Variants in SLCO3A1 observed in about 807,000 individuals in gnomAD.
SLCO3A1 encodes the protein PGE1 transporter.
A neutral mutation model predicts 63.1 loss-of-function variants in SLCO3A1; 27 were observed. That is an observed-to-expected ratio of 0.43 (90% CI 0.32 to 0.59). The LOEUF is 0.59. SLCO3A1 is among the 20% of genes least tolerant of loss of function. The pLI is 0.09. For synonymous variants in SLCO3A1, 473 were observed against 409.9 expected (o/e 1.15, Z -1.86); for missense variants, 773 against 945.8 (o/e 0.82, Z 2.40).
chr15:92,142,116 G>C (rs778709159), intron 7 of SLCO3A1, among the ~76,000 whole-genome samples: 2 of 152,156 alleles, frequency 1.3e-5, no homozygotes, highest in African/African-American at 4.8e-5. Context: ...GAACCTTTAG[G>C]AGAGATCCAT....
chr15:92,055,839 C>G (rs1447003708), intron 2 of SLCO3A1, among the ~76,000 whole-genome samples: 1 of 152,190 alleles, frequency 6.6e-6, no homozygotes, highest in Non-Finnish European at 1.5e-5. Context: ...TTTATTCAAT[C>G]TAATGACCTT....
chr15:91,956,868 C>T (rs1900199238), intron 2 of SLCO3A1, among the ~76,000 whole-genome samples: 4 of 128,130 alleles, frequency 3.1e-5, no homozygotes, highest in Admixed American at 9.4e-5. Flanking sequence ...CAGCTCACTG[C>T]AGCCTCCACC....
At chr15:92,114,536 T>G (rs2047768882) in intron 4 of SLCO3A1, among the ~76,000 whole-genome samples, 3 of 152,180 alleles carry the variant, frequency 2.0e-5, no homozygotes, top group Admixed American at 2.0e-4. Flanking sequence ...TTGATGCTAT[T>G]CCGTGACACC....
chr15:91,853,798 C>G lies in SLCO3A1; in HGVS notation c.-111C>G, dbSNP rs1333275783. 5.9e-6 allele frequency: 6 copies of G among 1,025,244 alleles called. No homozygotes were observed. Among genetic ancestry groups the G allele is most frequent in the African/African-American group, 3.5e-5 (2 of 56,544 alleles). 63.5% of individuals were successfully genotyped at this position (1,025,244 alleles called of 1,614,324 possible). ...GGGGGCGGCCGCCGCGAACCCGGGG[C>G]GGGGACAGCACGCAGCCTCGAGGCG... is the stretch of plus-strand genomic sequence containing the variant. On this transcript the variant is annotated 5_prime_UTR_variant, in exon 1 of 10. Transcript: ENST00000318445.
intron 3 of SLCO3A1, among the ~76,000 whole-genome samples, chr15:92,103,119 T>C (rs953627927): frequency 4.6e-5 from 7 of 152,172 alleles, no homozygotes; most frequent in Admixed American, 1.3e-4. Flanking sequence ...ATTTTATGAG[T>C]GCTGAAGTGT....
At chr15:91,898,660 G>A (rs1249925001) in intron 1 of SLCO3A1, among the ~76,000 whole-genome samples, 1 of 152,056 alleles carries the variant, frequency 6.6e-6, no homozygotes, top group Non-Finnish European at 1.5e-5. Flanking sequence ...TGAGACTCCA[G>A]AGCATGCATT....
intron 2 of SLCO3A1, among the ~76,000 whole-genome samples, chr15:91,974,265 G>GTTATTATTATTATTATTATTA (rs56317875): frequency 5.2e-4 from 75 of 142,956 alleles, no homozygotes; most frequent in African/African-American, 8.7e-4. Flanking sequence ...TTTCATTATT[G>GTTATTATTATTATTATTATTA]TTATTATTAT....
intron 1 of SLCO3A1, among the ~76,000 whole-genome samples, chr15:91,866,160 C>T (rs1267802617): frequency 1.3e-5 from 2 of 152,126 alleles, no homozygotes; most frequent in Non-Finnish European, 2.9e-5. Flanking sequence ...CTTCCTGGGC[C>T]TAGCCGAATG....
chr15:91,876,930 T>A (rs1375765941), intron 1 of SLCO3A1, among the ~76,000 whole-genome samples: 1 of 152,248 alleles, frequency 6.6e-6, no homozygotes, highest in South Asian at 2.1e-4. Flanking sequence ...TTACAGATAT[T>A]TGACTTTTGC....
intron 7 of SLCO3A1, among the ~76,000 whole-genome samples, chr15:92,139,953 G>C (rs1459633564): frequency 6.8e-6 from 1 of 147,276 alleles, no homozygotes; most frequent in Non-Finnish European, 1.5e-5. Flanking sequence ...ATTTTTTGAA[G>C]GGTTTTTTTG....
intron 2 of SLCO3A1, among the ~76,000 whole-genome samples, chr15:92,016,274 A>ATAGAT (rs1567068177): frequency 8.0e-5 from 11 of 137,090 alleles, no homozygotes; most frequent in African/African-American, 3.1e-4. Context: ...AGATAGATAG[A>ATAGAT]TAGATAGATG....
intron 2 of SLCO3A1, among the ~76,000 whole-genome samples, chr15:91,977,681 G>T (rs1901172033): frequency 6.6e-6 from 1 of 152,068 alleles, no homozygotes; most frequent in Non-Finnish European, 1.5e-5. Context: ...TGGGTGATGG[G>T]TGCACTAAAA....
At chr15:92,041,842 A>T (rs2046800383) in intron 2 of SLCO3A1, among the ~76,000 whole-genome samples, 1 of 151,182 alleles carries the variant, frequency 6.6e-6, no homozygotes, top group Admixed American at 6.6e-5. Context: ...TAAATATTTA[A>T]TTTTAATATT....
chr15:91,956,736 C>A (rs1436008277), intron 2 of SLCO3A1, among the ~76,000 whole-genome samples: 1 of 149,886 alleles, frequency 6.7e-6, no homozygotes, highest in African/African-American at 2.5e-5. Context: ...TGTCCAAGCC[C>A]CCATGATCTC....
intron 2 of SLCO3A1, among the ~76,000 whole-genome samples, chr15:91,953,832 C>T (rs1366103860): frequency 8.5e-5 from 13 of 152,234 alleles, no homozygotes; most frequent in Admixed American, 4.6e-4. Context: ...TCCGAACACC[C>T]GTCTCCATCC....
chr15:91,898,412 T>C (rs527455841), intron 1 of SLCO3A1, among the ~76,000 whole-genome samples: 28 of 152,248 alleles, frequency 1.8e-4, no homozygotes, highest in Non-Finnish European at 3.7e-4. Context: ...TCTCTTGGCT[T>C]TCAGCTTTTA....
intron 9 of SLCO3A1, among the ~76,000 whole-genome samples, chr15:92,152,833 T>C (rs1237468708): frequency 1.3e-5 from 2 of 152,040 alleles, no homozygotes; most frequent in African/African-American, 4.8e-5. Flanking sequence ...CCATTACGAG[T>C]CCTCTGGGGC....
chr15:92,068,502 G>A lies in SLCO3A1; in HGVS notation c.647-26379G>A, dbSNP rs1270315840. Among the ~76,000 whole-genome samples, 4 of 152,226 alleles carry A rather than the reference G, an allele frequency of 2.6e-5. 1 individual carries two copies. The East Asian group carries it at 7.7e-4, about 29-fold the overall frequency. On this transcript the variant is annotated intron_variant, in intron 2 of 9. Coordinates refer to ENST00000318445, the MANE Select transcript of SLCO3A1 (RefSeq NM_013272.4). ...GAGCTTCCTCTGGCCACTTCATATT[G>A]CAAACCTGGTTCAAATAATTATCAT...
At chr15:91,972,926 T>C (rs1047205419) in intron 2 of SLCO3A1, among the ~76,000 whole-genome samples, 4 of 152,144 alleles carry the variant, frequency 2.6e-5, no homozygotes, top group African/African-American at 9.7e-5. Context: ...TTCGAGACCA[T>C]CCTGGCCAAT....
Sources: allele counts gnomAD v4.1 joint callset (sites outside exome capture counted in the v4.1 genomes callset), GRCh38; gene constraint gnomAD v4.1.1; transcripts MANE v1.5; gene names NCBI Gene and HGNC (gene_info 2026-07-23, HGNC 2026-07-21).